The following GRIN2A variants were observed in gnomAD, a reference collection of about 807,000 sequenced individuals.
GRIN2A encodes glutamate receptor ionotropic, NMDA 2A.
A neutral mutation model predicts 113.4 loss-of-function variants in GRIN2A; 22 were observed. The ratio of observed to expected loss-of-function variants is 0.19; its 90% CI spans 0.14 to 0.28. The LOEUF is 0.28. Among genes scored for constraint, GRIN2A ranks in the 10% least tolerant of loss-of-function variants. The pLI, the probability that GRIN2A is intolerant of heterozygous loss-of-function variation, is 1.00. For missense variants in GRIN2A, 1,502 were observed against 1,887.0 expected, an observed-to-expected ratio of 0.80 and a Z score of 3.78; for synonymous variants, 827 against 738.4, an observed-to-expected ratio of 1.12 and a Z score of -1.94.
chr16:10,023,989 G>C (rs1294418385), intron 2 of GRIN2A, among the ~76,000 whole-genome samples: 2 of 152,194 alleles, frequency 1.3e-5, no homozygotes, highest in Non-Finnish European at 2.9e-5. Context: ...CAGAAGAACA[G>C]GTTGGGGCTT....
intron 2 of GRIN2A, among the ~76,000 whole-genome samples, chr16:10,107,068 T>C (rs542076787): frequency 6.6e-6 from 1 of 152,206 alleles, no homozygotes; most frequent in African/African-American, 2.4e-5. Flanking sequence ...AGGGACATCA[T>C]GAAGCAAGAC....
At chr16:10,158,025 G>C (rs971598441) in intron 2 of GRIN2A, among the ~76,000 whole-genome samples, 9 of 151,564 alleles carry the variant, frequency 5.9e-5, no homozygotes, top group Non-Finnish European at 7.4e-5. Context: ...TATTTTTTGA[G>C]ACAGGATCTC....
At chr16:10,131,062 A>C (rs1379828130) in intron 2 of GRIN2A, among the ~76,000 whole-genome samples, 5 of 152,240 alleles carry the variant, frequency 3.3e-5, no homozygotes, top group Non-Finnish European at 7.3e-5. Context: ...AAAAGCACTT[A>C]AAAAATTCAA....
At chr16:10,143,352 T>G (rs2049368375) in intron 2 of GRIN2A, among the ~76,000 whole-genome samples, 1 of 152,174 alleles carries the variant, frequency 6.6e-6, no homozygotes, top group Non-Finnish European at 1.5e-5. Flanking sequence ...ATTTTCCTCT[T>G]AAATTTTCAA....
At chr16:9,897,042 C>G (rs1465503877) in intron 3 of GRIN2A, among the ~76,000 whole-genome samples, 1 of 152,096 alleles carries the variant, frequency 6.6e-6, no homozygotes, top group African/African-American at 2.4e-5. Context: ...TTCAATATCT[C>G]CATCAGGAGC....
At chr16:10,061,214 C>A (rs1596470628) in intron 2 of GRIN2A, among the ~76,000 whole-genome samples, 1 of 152,098 alleles carries the variant, frequency 6.6e-6, no homozygotes, top group African/African-American at 2.4e-5. Context: ...GATCATGAAG[C>A]AACTTTAATG....
chr16:10,008,999 C>G (rs764176470), intron 2 of GRIN2A, among the ~76,000 whole-genome samples: 3 of 152,178 alleles, frequency 2.0e-5, no homozygotes, highest in Non-Finnish European at 1.5e-5. Flanking sequence ...AGCTTACACT[C>G]TGATGGAGAG....
chr16:10,167,234 C>T (rs544959582), intron 2 of GRIN2A, among the ~76,000 whole-genome samples: 31 of 152,200 alleles, frequency 2.0e-4, no homozygotes, highest in African/African-American at 6.7e-4. Flanking sequence ...TTTATGAACA[C>T]GCACTCCTCT....
intron 2 of GRIN2A, among the ~76,000 whole-genome samples, chr16:10,102,102 C>T (rs1197051643): frequency 1.3e-5 from 2 of 152,164 alleles, no homozygotes; most frequent in Admixed American, 6.5e-5. Context: ...CTATTTTCAC[C>T]AACTATTTCA....
At chr16:10,109,001 A>C (rs2048554441) in intron 2 of GRIN2A, among the ~76,000 whole-genome samples, 1 of 135,098 alleles carries the variant, frequency 7.4e-6, no homozygotes, top group African/African-American at 2.8e-5. Context: ...TGAAACCCAA[A>C]GCTGATTCTC....
At chr16:9,964,993 G>A (rs983019118) in intron 2 of GRIN2A, among the ~76,000 whole-genome samples, 2 of 152,302 alleles carry the variant, frequency 1.3e-5, no homozygotes, top group South Asian at 2.1e-4. Context: ...TGATTCAAGA[G>A]TATGAGAAGG....
At chr16:10,054,742 T>C (rs1414941802) in intron 2 of GRIN2A, among the ~76,000 whole-genome samples, 1 of 152,004 alleles carries the variant, frequency 6.6e-6, no homozygotes, top group Non-Finnish European at 1.5e-5. Context: ...AATAACATAA[T>C]ACTGAGTAAA....
chr16:10,126,525 C>T (rs974797020), intron 2 of GRIN2A, among the ~76,000 whole-genome samples: 1 of 152,140 alleles, frequency 6.6e-6, no homozygotes. Flanking sequence ...TTTTCTTGGG[C>T]ATCTATTAGC....
rs771342023 is a variant in GRIN2A at position 9,768,941 on chromosome 16, G to A, written c.2505C>T (p.Phe835=). ...TCCAGTAGAAGAGGTGCTCCCAGAT[G>A]AAGGTGATGAGGCTAAGGGCCATGG... ...AAAMALSLIT[F]IWEHLFYWKL... The change falls in exon 12 of 13, where the codon TTC becomes TTT. Residue 835 remains phenylalanine (F), a synonymous_variant. Transcript: ENST00000330684. The A allele has an allele frequency of 1.2e-6, 2 of 1,614,216 alleles. No homozygotes were observed. The highest frequency in any genetic ancestry group is 3.3e-5 in the Admixed American group (2 of 60,038).
chr16:9,843,405 T>C (rs1430620815), intron 5 of GRIN2A, among the ~76,000 whole-genome samples: 2 of 152,190 alleles, frequency 1.3e-5, no homozygotes, highest in Non-Finnish European at 2.9e-5. Context: ...TCATGGCTCA[T>C]GGCAGACTGG....
At chr16:10,101,172 G>T (rs1028183747) in intron 2 of GRIN2A, among the ~76,000 whole-genome samples, 4 of 152,192 alleles carry the variant, frequency 2.6e-5, no homozygotes, top group African/African-American at 9.7e-5. Flanking sequence ...CTGTTAGGTT[G>T]GCAGAGACTG....
intron 12 of GRIN2A, among the ~76,000 whole-genome samples, chr16:9,765,944 A>G (rs989044493): frequency 2.6e-5 from 4 of 152,202 alleles, no homozygotes; most frequent in Non-Finnish European, 4.4e-5. Flanking sequence ...TTTCTTTTAG[A>G]AAACAACTGT....
chr16:10,039,099 G>A (rs141109415), intron 2 of GRIN2A, among the ~76,000 whole-genome samples: 70 of 152,172 alleles, frequency 4.6e-4, no homozygotes, highest in Middle Eastern at 3.4e-3. Flanking sequence ...CTAGCACAGT[G>A]CCCGCCCGGC....
chr16:9,866,541 A>C lies in GRIN2A; in HGVS notation c.1123-16580T>G, dbSNP rs898571543. Among the ~76,000 whole-genome samples, 17 of 152,080 alleles carry C rather than the reference A, an allele frequency of 1.1e-4. 1 individual carries two copies. Among genetic ancestry groups the C allele is most frequent in the African/African-American group, 4.1e-4 (17 of 41,404 alleles). On this transcript the variant is annotated intron_variant, in intron 4 of 12. Transcript: ENST00000330684. The stretch of plus-strand genomic sequence containing the variant: ...GCTACAATCCCTTTGTGCACATTGG[A>C]ATTTGGTTGCATTTAAGTTGAAATT...
Sources: gnomAD v4.1 joint callset for allele counts (sites outside exome capture counted in the v4.1 genomes callset) on GRCh38, gnomAD v4.1.1 for gene constraint, MANE v1.5 for transcripts, NCBI Gene and HGNC (gene_info 2026-07-23, HGNC 2026-07-21) for gene names.